The following JAM3 variants were observed in gnomAD, a reference collection of about 807,000 sequenced individuals.
JAM3 encodes junctional adhesion molecule 3, also known as junctional adhesion molecule C.
In JAM3, 31 loss-of-function variants were observed where a neutral mutation model predicts 39.4. The ratio of observed to expected loss-of-function variants is 0.79; its 90% CI spans 0.59 to 1.06. The LOEUF is 1.06. JAM3 is among the 50% of genes least tolerant of loss of function. The pLI, the probability that JAM3 is intolerant of heterozygous loss-of-function variation, is 0.00. For missense variants in JAM3, 455 were observed against 391.4 expected, an observed-to-expected ratio of 1.16 and a Z score of -1.37; for synonymous variants, 182 against 148.7, an observed-to-expected ratio of 1.22 and a Z score of -1.63.
intron 4 of JAM3, 43 bp downstream of exon 4, chr11:134,144,436 C>T (rs759169808): frequency 1.7e-4 from 281 of 1,607,642 alleles, no homozygotes; most frequent in Non-Finnish European, 1.8e-4. Flanking sequence ...CCATAGGATG[C>T]AAGAGATCAG....
intron 1 of JAM3, among the ~76,000 whole-genome samples, chr11:134,097,860 A>G (rs1942010145): frequency 6.6e-6 from 1 of 151,264 alleles, no homozygotes; most frequent in South Asian, 2.1e-4. Context: ...TTTTATATAT[A>G]TGTATATATA....
At chr11:134,140,955 A>T (rs977804006) in intron 3 of JAM3, among the ~76,000 whole-genome samples, 185 bp downstream of exon 3, 1 of 151,832 alleles carries the variant, frequency 6.6e-6, no homozygotes, top group Admixed American at 6.6e-5. Context: ...CAAATGGTAT[A>T]TCAAGCCTCC....
chr11:134,094,842 T>A (rs1941948411), intron 1 of JAM3, among the ~76,000 whole-genome samples: 1 of 152,244 alleles, frequency 6.6e-6, no homozygotes, highest in South Asian at 2.1e-4. Context: ...ACAGTAGGAA[T>A]TGTTCACTGC....
At chr11:134,079,501 G>A (rs1425797516) in intron 1 of JAM3, among the ~76,000 whole-genome samples, 4 of 151,994 alleles carry the variant, frequency 2.6e-5, no homozygotes, top group African/African-American at 9.7e-5. Context: ...GGAAGGCTCC[G>A]TTGTTTGCAG....
In JAM3 at chr11:134,090,165, T is replaced by C. The variant is rs549078459; in HGVS notation, c.76+21006T>C. 4.8e-3 allele frequency among the ~76,000 whole-genome samples: 724 copies of C among 152,382 alleles called. 2 individuals are homozygous for C. Among genetic ancestry groups the C allele is most frequent in the Non-Finnish European group, 7.0e-3 (477 of 68,046 alleles). On this transcript the variant is annotated intron_variant, in intron 1 of 8. Coordinates refer to ENST00000299106, the MANE Select transcript of JAM3 (RefSeq NM_032801.5). ...ACTTTTTGATGGGGTTGTTTGTTTT[T>C]TTCTTTTTTGTTGGAGTTCATTGTA...
In JAM3 at chr11:134,148,808, C is replaced by G; in HGVS notation, c.887C>G (p.Thr296Ser). Residue 296 changes from threonine to serine, a missense_variant, in exon 8 of 9, where the codon ACT (threonine) becomes AGT (serine). By Grantham distance (58) the Thr-to-Ser change is moderately conservative. Transcript: ENST00000299106. ...CCAGATGGAGTTAACTACATCCGCA[C>G]TGACGAGGAGGTAATCATTTAGTAA... ...GKPDGVNYIR[T>S]DEEGDFRHKS... The G allele has an allele frequency of 6.2e-7, 1 of 1,614,100 alleles. No homozygotes were observed. The highest frequency in any genetic ancestry group is 2.2e-5 in the East Asian group (1 of 44,878).
At chr11:134,110,837 T>C (rs1942295084) in intron 1 of JAM3, among the ~76,000 whole-genome samples, 1 of 152,176 alleles carries the variant, frequency 6.6e-6, no homozygotes. Context: ...ATATGTGCAC[T>C]TTATATGTCA....
At chr11:134,106,689 C>T (rs2120706880) in intron 1 of JAM3, among the ~76,000 whole-genome samples, 1 of 152,334 alleles carries the variant, frequency 6.6e-6, no homozygotes, top group African/African-American at 2.4e-5. Context: ...ACAGACACTT[C>T]TCAAAAGAAA....
chr11:134,123,670 G>A (rs992816983), intron 1 of JAM3, among the ~76,000 whole-genome samples: 13 of 151,590 alleles, frequency 8.6e-5, no homozygotes, highest in African/African-American at 3.2e-4. Context: ...TTTCTTTTTT[G>A]TTTGCTTTTG....
chr11:134,121,403 A>G (rs618700), intron 1 of JAM3, among the ~76,000 whole-genome samples: 1 of 149,070 alleles, frequency 6.7e-6, no homozygotes, highest in African/African-American at 2.5e-5. Flanking sequence ...TAGGAAGGCC[A>G]TTGTGAGCAG....
chr11:134,147,176 C>T (rs1353652398), intron 6 of JAM3, among the ~76,000 whole-genome samples: 1 of 151,998 alleles, frequency 6.6e-6, no homozygotes, highest in Non-Finnish European at 1.5e-5. Context: ...AATTGCATGC[C>T]AGGCGTGGTG....
intron 1 of JAM3, among the ~76,000 whole-genome samples, chr11:134,109,025 C>G (rs1187654659): frequency 6.6e-6 from 1 of 152,116 alleles, no homozygotes; most frequent in East Asian, 1.9e-4. Flanking sequence ...GGCACAATCT[C>G]AGCTCACTGC....
chr11:134,125,113 C>T (rs10894778), intron 1 of JAM3, among the ~76,000 whole-genome samples: 32,805 of 152,168 alleles, frequency 0.22, 3,817 homozygotes, highest in East Asian at 0.39. Context: ...GGTGCACGGC[C>T]GCCGCCACTG....
intron 1 of JAM3, among the ~76,000 whole-genome samples, chr11:134,089,111 T>A (rs1415333019): frequency 6.6e-6 from 1 of 152,206 alleles, no homozygotes; most frequent in Non-Finnish European, 1.5e-5. Flanking sequence ...GAATTGAATG[T>A]CTGTTTATCA....
At chr11:134,088,534 C>G (rs546038679) in intron 1 of JAM3, among the ~76,000 whole-genome samples, 2 of 152,170 alleles carry the variant, frequency 1.3e-5, no homozygotes, top group African/African-American at 4.8e-5. Context: ...TTTACATGTA[C>G]ATCCTTTTCT....
rs897661250 is a variant in JAM3 at position 134,095,153 on chromosome 11, G to T, written c.76+25994G>T. Among the ~76,000 whole-genome samples, 3 of 152,158 alleles carry T rather than the reference G, an allele frequency of 2.0e-5. No individual in the cohort carries two copies. In the South Asian group the frequency reaches 6.2e-4, roughly 31 times the overall value. On this transcript the variant is annotated intron_variant, in intron 1 of 8. Coordinates refer to ENST00000299106, the MANE Select transcript of JAM3 (RefSeq NM_032801.5). ...ACAAATGTGAGAGGCAGAAAAGTTC[G>T]AAGAGAGAAAGTAAACCAGCATTGT...
chr11:134,115,354 T>G (rs1258628232), intron 1 of JAM3, among the ~76,000 whole-genome samples: 1 of 152,198 alleles, frequency 6.6e-6, no homozygotes, highest in Admixed American at 6.5e-5. Flanking sequence ...ACTATTTACA[T>G]TGCGTTTACT....
intron 1 of JAM3, among the ~76,000 whole-genome samples, chr11:134,104,663 T>TA (rs1261461236): frequency 6.6e-6 from 1 of 152,020 alleles, no homozygotes; most frequent in African/African-American, 2.4e-5. Context: ...TAAAAAATGA[T>TA]AAAGGAGATA....
intron 1 of JAM3, among the ~76,000 whole-genome samples, chr11:134,139,083 G>A (rs1942925962): frequency 6.6e-6 from 1 of 152,126 alleles, no homozygotes; most frequent in Non-Finnish European, 1.5e-5. Context: ...TATTTTGTAG[G>A]TAGTCCATGT....
Sources: gnomAD v4.1 joint callset for allele counts (sites outside exome capture counted in the v4.1 genomes callset) on GRCh38, gnomAD v4.1.1 for gene constraint, MANE v1.5 for transcripts, NCBI Gene and HGNC (gene_info 2026-07-23, HGNC 2026-07-21) for gene names.